ZC3H18: variants seen among roughly 807,000 people sequenced by gnomAD.
ZC3H18 encodes the protein zinc finger CCCH domain-containing protein 18.
In ZC3H18, 8 loss-of-function variants were observed where a neutral mutation model predicts 106.1. The observed-to-expected ratio is 0.08, with a 90% CI of 0.04 to 0.14. The LOEUF (loss-of-function observed/expected upper bound fraction) is 0.14. ZC3H18 is among the 10% of genes least tolerant of loss of function. The pLI is 1.00. For synonymous variants in ZC3H18, 635 were observed against 522.1 expected (o/e 1.22, Z -2.95); for missense variants, 1,318 against 1,278.4 (o/e 1.03, Z -0.47).
rs1906660898 is a variant in ZC3H18, at chr16:88,631,089, A to ACC, written c.2664-8_2664-7dup. On this transcript the variant is annotated splice_polypyrimidine_tract_variant and intron_variant, in intron 17 of 17. Transcript: ENST00000301011. ...CTTCTGGGGGCTCAAGGTCTTCCCC[A>ACC]CCCCCTTGTAGGAAGCGCCAGCTGT... is the stretch of plus-strand genomic sequence containing the variant. 1 of 1,610,766 alleles carries ACC rather than the reference A, an allele frequency of 6.2e-7. No individual in the cohort carries two copies. The highest frequency in any genetic ancestry group is 8.5e-7 in the Non-Finnish European group (1 of 1,179,884).
At chr16:88,630,727 A>T (rs1906612194) in intron 17 of ZC3H18, 146 bp downstream of exon 17, 1 of 544,788 alleles carries the variant, frequency 1.8e-6, no homozygotes, top group African/African-American at 1.9e-5. Context: ...GGTGAGGGGC[A>T]TGGACAGCGA....
chr16:88,627,765 A>G lies in ZC3H18; in HGVS notation c.2252A>G (p.Gln751Arg). The change falls in exon 14 of 18, where the codon CAG becomes CGG. Residue 751 changes from glutamine to arginine, a missense_variant. Gln to Arg is a conservative substitution (Grantham distance 43). Transcript: ENST00000301011. The surrounding 1 kb of genome is among the most constrained non-coding windows in gnomAD (Gnocchi z 4.5). ...AGCTCTCGGTCCCCGGCCCCAGCCCAGACCAGGAAGGAGAAAGGTACTCAG... is the reference window on the plus strand; with the variant it reads ...AGCTCTCGGTCCCCGGCCCCAGCCCGGACCAGGAAGGAGAAAGGTACTCAG... Reference protein sequence around the residue: ...SASSRSPAPAQTRKEKGKSKK... With the variant: ...SASSRSPAPARTRKEKGKSKK... 1 of 1,611,652 alleles carries G rather than the reference A, an allele frequency of 6.2e-7. No homozygotes were observed. Among genetic ancestry groups the G allele is most frequent in the Non-Finnish European group, 8.5e-7 (1 of 1,178,330 alleles).
chr16:88,582,219 CTTTTTTT>C (rs71391393), intron 2 of ZC3H18, among the ~76,000 whole-genome samples: 10 of 77,182 alleles, frequency 1.3e-4, no homozygotes, highest in African/African-American at 2.2e-4. Context: ...TTTTTCTTTT[CTTTTTTT>C]TTTTTTTTTT....
intron 2 of ZC3H18, among the ~76,000 whole-genome samples, chr16:88,578,267 C>T (rs1425216650): frequency 6.6e-6 from 1 of 152,204 alleles, no homozygotes; most frequent in Non-Finnish European, 1.5e-5. Flanking sequence ...CCTGAAAAGA[C>T]TGTGGTGGGC....
rs778139973 is a variant in ZC3H18 at position 88,598,375 on chromosome 16, G to A, written c.837+49G>A. On this transcript the variant is annotated intron_variant, in intron 4 of 17. Transcript: ENST00000301011. ...TGTTAGCACATCAGCCAACTGAGCT[G>A]TGTCTGAATCTCAAGCTTAAGACAA... is the stretch of plus-strand genomic sequence containing the variant. 3.2e-6 allele frequency: 5 copies of A among 1,561,962 alleles called. No homozygotes were observed. In the African/African-American group the frequency reaches 5.5e-5, roughly 17 times the overall value.
intron 3 of ZC3H18, among the ~76,000 whole-genome samples, chr16:88,591,470 G>C (rs541490497): frequency 1.6e-4 from 24 of 152,012 alleles, no homozygotes; most frequent in Non-Finnish European, 2.6e-4. Flanking sequence ...TATTTGGGAG[G>C]CCAAAGCAGG....
intron 6 of ZC3H18, among the ~76,000 whole-genome samples, chr16:88,606,371 C>T (rs1567589789): frequency 1.3e-5 from 2 of 152,338 alleles, no homozygotes; most frequent in South Asian, 4.1e-4. Flanking sequence ...GAGGCAGCCA[C>T]GCTGAGGAAA....
chr16:88,606,871 G>A (rs754314592), intron 6 of ZC3H18, among the ~76,000 whole-genome samples: 9 of 152,128 alleles, frequency 5.9e-5, no homozygotes. Context: ...GAGGGTGTTC[G>A]TAGCCACCCA....
chr16:88,579,647 A>T (rs943448749), intron 2 of ZC3H18, among the ~76,000 whole-genome samples: 2 of 151,180 alleles, frequency 1.3e-5, no homozygotes, highest in Non-Finnish European at 2.9e-5. Context: ...TGGAAGAAAA[A>T]CCCCATTTGC....
In ZC3H18 at chr16:88,577,115, T is replaced by C. The variant is rs370626499; in HGVS notation, c.-9T>C. Reference sequence around the variant, plus strand: ...CTGTATTCTCTCTTTTGCAGAACCGTGGGTACCGATGGATGTGGCCGAGAG... The same window carrying C: ...CTGTATTCTCTCTTTTGCAGAACCGCGGGTACCGATGGATGTGGCCGAGAG... On this transcript the variant is annotated 5_prime_UTR_variant, in exon 2 of 18. Coordinates refer to ENST00000301011, the MANE Select transcript of ZC3H18 (RefSeq NM_144604.4). The C allele has an allele frequency of 6.6e-7, 1 of 1,524,066 alleles. No homozygotes were observed. Among genetic ancestry groups the C allele is most frequent in the South Asian group, 1.3e-5 (1 of 77,360 alleles). The allele number at this position is 1,524,066 out of a possible 1,614,324, so 94.4% of individuals were successfully genotyped here.
At chr16:88,576,966 C>T (rs549487022) in intron 1 of ZC3H18, 144 bp from the exon 2 acceptor site, 3 of 766,290 alleles carry the variant, frequency 3.9e-6, no homozygotes, top group Non-Finnish European at 5.9e-6. Flanking sequence ...CTGTCTTTCT[C>T]TGCAGAGTGG....
rs764571629 is a variant in ZC3H18 at position 88,628,114 on chromosome 16, A to T, written c.2464A>T (p.Asn822Tyr). ...CAAGGAGATCAAGTTGACACTGTTG[A>T]ATAAGGTGAGGGCAAGGGCCCTCCT... ...AHKEIKLTLL[N>Y]KAADKGSRKR... is the part of the protein sequence containing the mutation. Residue 822 changes from asparagine (N) to tyrosine (Y), a missense_variant, in exon 15 of 18, where the codon AAT becomes TAT. Physicochemically the swap from Asn to Tyr is moderately radical, Grantham distance 143. Around this residue, in one of 6 missense-constraint regions of ZC3H18, gnomAD observed 848 missense variants for 821.7 expected, o/e 1.03. Transcript: ENST00000301011. 1.9e-6 allele frequency: 3 copies of T among 1,613,530 alleles called. No individual in the cohort carries two copies. The Admixed American group carries it at 5.0e-5, about 27-fold the overall frequency.
At chr16:88,623,053 C>T (rs1906063600) in intron 9 of ZC3H18, 166 bp from the exon 10 acceptor site, 2 of 901,354 alleles carry the variant, frequency 2.2e-6, no homozygotes, top group South Asian at 1.7e-5. Flanking sequence ...CTGGGGGAGG[C>T]TGTATGCGTC....
chr16:88,586,548 G>A (rs1363697167), intron 2 of ZC3H18, 52 bp from the exon 3 acceptor site: 2 of 1,472,618 alleles, frequency 1.4e-6, no homozygotes, highest in African/African-American at 2.8e-5. Flanking sequence ...GGAGAAAGCA[G>A]TGCTGATTGA....
At chr16:88,619,637 C>T (rs1905837714) in intron 8 of ZC3H18, among the ~76,000 whole-genome samples, 1 of 152,184 alleles carries the variant, frequency 6.6e-6, no homozygotes. Flanking sequence ...GCCTGCACTG[C>T]CCGCCTCTCT....
At position 88,577,372 on chromosome 16, in the gene ZC3H18, A is replaced by T. The variant is rs769215512; in HGVS notation, c.249A>T (p.Ser83=). ...ASEPKSQDQD[S]EVNELSRGPT... The stretch of plus-strand genomic sequence containing the variant: ...AGCCTAAATCCCAAGACCAGGACTC[A>T]GAGGTGAATGAGCTGAGCCGGGGCC... The change falls in exon 2 of 18, where the codon TCA becomes TCT. Residue 83 remains serine (S), a synonymous_variant. Transcript: ENST00000301011. The T allele has an allele frequency of 1.3e-6, 2 of 1,597,944 alleles. No individual in the cohort carries two copies.
At chr16:88,618,568 C>T (rs774791892) in intron 8 of ZC3H18, among the ~76,000 whole-genome samples, 1 of 152,214 alleles carries the variant, frequency 6.6e-6, no homozygotes, top group Non-Finnish European at 1.5e-5. Flanking sequence ...TGTGGCGCCT[C>T]GTGTGGCTGC....
rs770411740 is a variant in ZC3H18, at chr16:88,624,627, C to G, written c.1924C>G (p.Pro642Ala). 3.7e-6 allele frequency: 6 copies of G among 1,613,842 alleles called. No homozygotes were observed. The highest frequency in any genetic ancestry group is 3.3e-5 in the Admixed American group (2 of 60,014). Residue 642 changes from proline to alanine, a missense_variant, in exon 12 of 18, where the codon CCG (proline) becomes GCG (alanine). Around this residue, in one of 6 missense-constraint regions of ZC3H18, gnomAD observed 848 missense variants for 821.7 expected, o/e 1.03. Transcript: ENST00000301011. ...AGEKSVKKPA[P>A]PPAPPQATKT... is the part of the protein sequence containing the mutation. ...AGAGAAGTCAGTGAAGAAGCCGGCC[C>G]CGCCTCCAGCCCCACCACAGGCCAC...
Position 88,585,834 on chromosome 16 carries a change from C to T in ZC3H18, c.604-766C>T, listed in dbSNP as rs374432483. On this transcript the variant is annotated intron_variant, in intron 2 of 17. Transcript: ENST00000301011. ...CACATGGGACCGGTGAGATTGGTTA[C>T]GCTAGGGCTGGCTGGAAGAGGCCGG... 5.3e-4 allele frequency among the ~76,000 whole-genome samples: 81 copies of T among 152,172 alleles called. No homozygotes were observed. In the South Asian group the frequency reaches 0.015, roughly 29 times the overall value.
Sources: gnomAD v4.1 joint callset for allele counts (sites outside exome capture counted in the v4.1 genomes callset) on GRCh38, gnomAD v4.1.1 for gene constraint, gnomAD v4.1.1 regional missense constraint, Gnocchi (gnomAD v3.1) non-coding constraint, MANE v1.5 for transcripts, NCBI Gene and HGNC (gene_info 2026-07-23, HGNC 2026-07-21) for gene names.